Variants in ANKS1B observed in about 807,000 individuals in gnomAD.
ANKS1B encodes ankyrin repeat and sterile alpha motif domain containing 1B, also known as ankyrin repeat and sterile alpha motif domain-containing protein 1B.
ANKS1B carries 36 observed loss-of-function variants against 148.3 expected under a neutral mutation model. The ratio of observed to expected loss-of-function variants is 0.24; its 90% CI spans 0.19 to 0.32. The LOEUF is 0.32. Ranked by LOEUF, ANKS1B falls within the 10% of genes least tolerant of loss-of-function variation. ANKS1B has a pLI of 1.00. For synonymous variants in ANKS1B, 542 were observed against 560.8 expected (o/e 0.97, Z 0.47); for missense variants, 1,157 against 1,542.6 (o/e 0.75, Z 4.19).
chr12:99,160,553 T>A (rs971034876), intron 14 of ANKS1B, among the ~76,000 whole-genome samples: 8 of 151,404 alleles, frequency 5.3e-5, no homozygotes, highest in African/African-American at 1.9e-4. Context: ...TTTCACCATG[T>A]TAGCCAGGAT....
chr12:99,890,086 C>T (rs2093018140), intron 1 of ANKS1B, among the ~76,000 whole-genome samples: 1 of 152,088 alleles, frequency 6.6e-6, no homozygotes, highest in Admixed American at 6.5e-5. Flanking sequence ...AGCATGGTCG[C>T]TGATTAACTC....
At position 98,941,979 on chromosome 12, in the gene ANKS1B, A is replaced by T. The variant is rs554155743; in HGVS notation, c.2779-109843T>A. The stretch of plus-strand genomic sequence containing the variant: ...TATTTTGAGCCGGGCACAGTGGCTC[A>T]CGCCTGTAATCCCAGAACTTTGGGA... On this transcript the variant is annotated intron_variant, in intron 17 of 26. Coordinates refer to ENST00000683438, the MANE Select transcript of ANKS1B (RefSeq NM_001352186.2). Among the ~76,000 whole-genome samples the T allele has an allele frequency of 7.6e-4, 116 of 152,178 alleles. 1 individual carries two copies. Among genetic ancestry groups the T allele is most frequent in the Non-Finnish European group, 1.3e-3 (90 of 68,038 alleles).
chr12:98,906,425 C>T (rs11109662), intron 17 of ANKS1B, among the ~76,000 whole-genome samples: 11,769 of 152,242 alleles, frequency 0.077, 911 homozygotes, highest in East Asian at 0.35. Flanking sequence ...CCGAGAGCCC[C>T]ATGTTCCTGG....
At chr12:99,369,791 T>TAGATAGATAGAC (rs879173702) in intron 12 of ANKS1B, among the ~76,000 whole-genome samples, 55 of 148,892 alleles carry the variant, frequency 3.7e-4, no homozygotes, top group Admixed American at 8.0e-4. Context: ...GATAGATAGA[T>TAGATAGATAGAC]GGACGGACGG....
intron 9 of ANKS1B, among the ~76,000 whole-genome samples, chr12:99,589,180 T>C (rs1237709306): frequency 6.6e-6 from 1 of 152,176 alleles, no homozygotes; most frequent in Non-Finnish European, 1.5e-5. Context: ...ACCAGAAATG[T>C]ATATGGATTT....
chr12:99,919,096 A>G (rs1032624257), intron 1 of ANKS1B, among the ~76,000 whole-genome samples: 1 of 152,180 alleles, frequency 6.6e-6, no homozygotes, highest in African/African-American at 2.4e-5. Flanking sequence ...AGCTGGCCCT[A>G]TGCTTGAGGC....
intron 8 of ANKS1B, among the ~76,000 whole-genome samples, chr12:99,689,936 G>C (rs1275620994): frequency 6.6e-6 from 1 of 152,172 alleles, no homozygotes; most frequent in Non-Finnish European, 1.5e-5. Flanking sequence ...TTCTCACAAT[G>C]CTATCAAGAA....
At chr12:99,648,377 T>A in intron 9 of ANKS1B, 3 of 1,614,152 alleles carry the variant, frequency 1.9e-6, no homozygotes, top group Non-Finnish European at 2.5e-6. Context: ...CGTGCCCGAA[T>A]GGTAACAATG....
intron 8 of ANKS1B, among the ~76,000 whole-genome samples, chr12:99,735,807 C>CAAAAAAAAAAAAAAA (rs376398944): frequency 9.2e-5 from 10 of 108,948 alleles, no homozygotes; most frequent in Non-Finnish European, 1.7e-4. Context: ...GGACATATAC[C>CAAAAAAAAAAAAAAA]AAAAAAAAAA....
rs1404120998 is a variant in ANKS1B, at chr12:99,399,778, C to T, written c.1609G>A (p.Asp537Asn). The T allele has an allele frequency of 6.2e-7, 1 of 1,613,188 alleles. No homozygotes were observed. Among genetic ancestry groups the T allele is most frequent in the Non-Finnish European group, 8.5e-7 (1 of 1,179,428 alleles). Reference sequence around the variant, plus strand: ...TGGTTGTGATTCATTCGGTGAAAATCCAGAGAAGACACAATGGATGTTCGC... The same window carrying T: ...TGGTTGTGATTCATTCGGTGAAAATTCAGAGAAGACACAATGGATGTTCGC... ...KQRTSIVSSLDFHRMNHNQEY... is the reference protein window; with the variant it reads ...KQRTSIVSSLNFHRMNHNQEY... The change falls in exon 12 of 27, where the codon GAT becomes AAT. Residue 537 changes from aspartate to asparagine, a missense_variant. By Grantham distance (23) the Asp-to-Asn change is conservative. Coordinates refer to ENST00000683438, the MANE Select transcript of ANKS1B (RefSeq NM_001352186.2).
intron 1 of ANKS1B, among the ~76,000 whole-genome samples, chr12:99,947,243 C>T (rs1385591411): frequency 1.1e-5 from 1 of 91,938 alleles, no homozygotes; most frequent in Admixed American, 1.1e-4. Flanking sequence ...GATACAGAAT[C>T]ATAAAGTAAT....
intron 15 of ANKS1B, among the ~76,000 whole-genome samples, chr12:99,131,120 T>C (rs974899801): frequency 3.3e-5 from 5 of 152,204 alleles, no homozygotes; most frequent in African/African-American, 1.2e-4. Flanking sequence ...TGGCTGTTTG[T>C]TGCCTACTCG....
intron 12 of ANKS1B, among the ~76,000 whole-genome samples, chr12:99,329,258 T>C (rs1425839557): frequency 6.6e-6 from 1 of 151,976 alleles, no homozygotes; most frequent in Non-Finnish European, 1.5e-5. Context: ...GTCAGAATTC[T>C]TCTTTCTTTC....
intron 10 of ANKS1B, among the ~76,000 whole-genome samples, chr12:99,501,392 A>G (rs1432742833): frequency 6.6e-6 from 1 of 152,140 alleles, no homozygotes; most frequent in Non-Finnish European, 1.5e-5. Flanking sequence ...GAGGGATTAC[A>G]TTTGCTTCCA....
intron 17 of ANKS1B, chr12:98,894,991 AGCGGCGGCGGCG>A (rs555983816): frequency 1.4e-6 from 1 of 713,288 alleles, no homozygotes; most frequent in East Asian, 1.3e-4. Flanking sequence ...CCCTGGCGGC[AGCGGCGGCGGCG>A]GCGGCGCGTC....
At chr12:99,623,240 C>T (rs2098075765) in intron 9 of ANKS1B, among the ~76,000 whole-genome samples, 1 of 151,648 alleles carries the variant, frequency 6.6e-6, no homozygotes. Context: ...AAAAACTAGG[C>T]ATCAAAGGAA....
intron 11 of ANKS1B, among the ~76,000 whole-genome samples, chr12:99,401,133 A>G (rs915933673): frequency 6.8e-6 from 1 of 146,344 alleles, no homozygotes; most frequent in Middle Eastern, 3.2e-3. Context: ...TTATTATGAC[A>G]CATCAACTCA....
At chr12:99,045,757 C>T (rs1324669985) in intron 17 of ANKS1B, among the ~76,000 whole-genome samples, 3 of 152,156 alleles carry the variant, frequency 2.0e-5, no homozygotes, top group Non-Finnish European at 2.9e-5. Flanking sequence ...ACAGTGATCC[C>T]TGAGAGATGG....
chr12:99,692,396 C>G (rs1056864188), intron 8 of ANKS1B, among the ~76,000 whole-genome samples: 1 of 152,056 alleles, frequency 6.6e-6, no homozygotes, highest in Non-Finnish European at 1.5e-5. Context: ...TGAGGCCCAG[C>G]GCAGTGGCTC....
Sources: allele counts gnomAD v4.1 joint callset (sites outside exome capture counted in the v4.1 genomes callset), GRCh38; gene constraint gnomAD v4.1.1; transcripts MANE v1.5; gene names NCBI Gene and HGNC (gene_info 2026-07-23, HGNC 2026-07-21).